Variants in COA1 observed in about 807,000 individuals in gnomAD.
The protein encoded by COA1 is cytochrome c oxidase assembly factor 1, also known as cytochrome c oxidase assembly factor 1 homolog.
In COA1, 13 loss-of-function variants were observed where a neutral mutation model predicts 16.0. The ratio of observed to expected loss-of-function variants is 0.81; its 90% CI spans 0.53 to 1.29. The LOEUF (loss-of-function observed/expected upper bound fraction) is 1.29, where lower values mean the gene tolerates loss of function less well. COA1 is among the 50% of genes most tolerant of loss of function. COA1 has a pLI of 0.00. For synonymous variants in COA1, 65 were observed against 65.7 expected, an observed-to-expected ratio of 0.99 and a Z score of 0.05; for missense variants, 179 against 177.0, an observed-to-expected ratio of 1.01 and a Z score of -0.06.
At chr7:43,706,603 T>C (rs2094988045) in intron 1 of COA1, among the ~76,000 whole-genome samples, 2 of 151,988 alleles carry the variant, frequency 1.3e-5, no homozygotes, top group African/African-American at 4.8e-5. Flanking sequence ...GTGCAGTGGC[T>C]CACACCTATA....
chr7:43,690,023 G>T (rs1264203994), intron 1 of COA1, among the ~76,000 whole-genome samples: 1 of 152,100 alleles, frequency 6.6e-6, no homozygotes, highest in Non-Finnish European at 1.5e-5. Flanking sequence ...GAAGATGGTA[G>T]ACTTAAACCT....
intron 1 of COA1, among the ~76,000 whole-genome samples, chr7:43,709,477 C>T (rs529020024): frequency 1.0e-4 from 13 of 128,310 alleles, no homozygotes; most frequent in African/African-American, 1.9e-4. Context: ...TGTGTGTATA[C>T]GCATGAACAT....
intron 3 of COA1, 130 bp from the exon 4 acceptor site, chr7:43,645,529 A>G (rs2089022258): frequency 1.3e-6 from 1 of 779,908 alleles, no homozygotes; most frequent in Non-Finnish European, 2.1e-6. Context: ...ATGGACGAAT[A>G]ATTAAGGCCA....
rs532469236 is a variant in COA1 at position 43,722,458 on chromosome 7, G to A, written c.-39+6971C>T. 5.9e-5 allele frequency among the ~76,000 whole-genome samples: 9 copies of A among 151,882 alleles called. No individual in the cohort carries two copies. In the South Asian group the frequency reaches 1.9e-3, roughly 32 times the overall value. On this transcript the variant is annotated intron_variant, in intron 1 of 5. Coordinates refer to ENST00000223336, the MANE Select transcript of COA1 (RefSeq NM_018224.4). ...TCTATCGCCCAGGCTAGAGTGCAATGGCACAATCTCAGCTCCCTGCAACCT... is the reference window on the plus strand; with the variant it reads ...TCTATCGCCCAGGCTAGAGTGCAATAGCACAATCTCAGCTCCCTGCAACCT...
intron 1 of COA1, among the ~76,000 whole-genome samples, chr7:43,666,794 A>G (rs920893852): frequency 6.6e-6 from 1 of 152,208 alleles, no homozygotes; most frequent in African/African-American, 2.4e-5. Context: ...TAGGATCCAC[A>G]CCAAGTATAT....
chr7:43,686,398 C>G (rs1208563519), intron 1 of COA1, among the ~76,000 whole-genome samples: 1 of 149,514 alleles, frequency 6.7e-6, no homozygotes, highest in African/African-American at 2.5e-5. Context: ...GCTCCGCCTT[C>G]CGGGTTCACG....
chr7:43,706,289 G>C (rs1351483561), intron 1 of COA1, among the ~76,000 whole-genome samples: 1 of 152,092 alleles, frequency 6.6e-6, no homozygotes, highest in East Asian at 1.9e-4. Context: ...TGTAATCCCA[G>C]TACTTTGGGA....
intron 1 of COA1, among the ~76,000 whole-genome samples, chr7:43,652,244 A>T (rs1327108001): frequency 6.6e-6 from 1 of 152,162 alleles, no homozygotes; most frequent in Non-Finnish European, 1.5e-5. Context: ...CAGACCTATT[A>T]ACACCCAGAG....
chr7:43,608,543 C>T, exon 7 of COA1: 1 of 903,624 alleles, frequency 1.1e-6, no homozygotes, highest in Non-Finnish European at 1.6e-6. Flanking sequence ...TACTCCTATC[C>T]TCTAGCCAGT....
At chr7:43,703,682 C>G (rs1385817993) in intron 1 of COA1, among the ~76,000 whole-genome samples, 1 of 151,976 alleles carries the variant, frequency 6.6e-6, no homozygotes, top group African/African-American at 2.4e-5. Context: ...TGTTTGTTTT[C>G]TGTTTGCTTA....
intron 3 of COA1, 187 bp from the exon 4 acceptor site, chr7:43,645,586 G>A (rs909806306): frequency 8.6e-6 from 5 of 579,196 alleles, no homozygotes; most frequent in African/African-American, 7.5e-5. Context: ...CAAAGCACAG[G>A]CAGGCAGTGT....
intron 6 of COA1, among the ~76,000 whole-genome samples, chr7:43,618,346 G>A (rs545938939): frequency 1.3e-4 from 20 of 152,282 alleles, no homozygotes; most frequent in African/African-American, 2.9e-4. Flanking sequence ...GGGAGAGGGC[G>A]TCCTGAACAA....
chr7:43,648,491 G>T, intron 2 of COA1, 109 bp downstream of exon 2: 1 of 1,148,482 alleles, frequency 8.7e-7, no homozygotes, highest in Non-Finnish European at 1.3e-6. Context: ...GAACCCTAAA[G>T]ACCAGGAGAA....
At chr7:43,691,572 A>C (rs1246045991) in intron 1 of COA1, among the ~76,000 whole-genome samples, 1 of 152,186 alleles carries the variant, frequency 6.6e-6, no homozygotes, top group Non-Finnish European at 1.5e-5. Context: ...TCTAACATAT[A>C]GTCTGCTGAG....
intron 1 of COA1, chr7:43,657,407 A>C (rs571840894): frequency 1.3e-5 from 2 of 152,392 alleles, no homozygotes; most frequent in South Asian, 2.1e-4. Flanking sequence ...TATGGTAAAA[A>C]TCTGAAATTT....
chr7:43,722,330 A>C (rs1228145305), intron 1 of COA1, among the ~76,000 whole-genome samples: 1 of 152,116 alleles, frequency 6.6e-6, no homozygotes, highest in African/African-American at 2.4e-5. Flanking sequence ...CCTGGACTCA[A>C]GTGATCTGCC....
At chr7:43,615,987 A>G (rs554220599) in intron 6 of COA1, among the ~76,000 whole-genome samples, 1 of 152,270 alleles carries the variant, frequency 6.6e-6, no homozygotes, top group Non-Finnish European at 1.5e-5. Flanking sequence ...TGAGTTCCCC[A>G]TAGTGCTTAA....
At chr7:43,707,494 T>C (rs1038097693) in intron 1 of COA1, among the ~76,000 whole-genome samples, 3 of 152,076 alleles carry the variant, frequency 2.0e-5, no homozygotes, top group African/African-American at 7.2e-5. Context: ...CAGTAGCCCA[T>C]TGGTTCCTTC....
At chr7:43,664,003 C>T (rs1288740227) in intron 1 of COA1, among the ~76,000 whole-genome samples, 1 of 151,782 alleles carries the variant, frequency 6.6e-6, no homozygotes, top group Non-Finnish European at 1.5e-5. Flanking sequence ...CTGCAGTGAG[C>T]CAAGATCGTG....
Sources: allele counts gnomAD v4.1 joint callset (sites outside exome capture counted in the v4.1 genomes callset), GRCh38; gene constraint gnomAD v4.1.1; transcripts MANE v1.5; gene names NCBI Gene and HGNC (gene_info 2026-07-23, HGNC 2026-07-21).